The following TBPL1 variants were observed in gnomAD, a reference collection of about 807,000 sequenced individuals.
The protein encoded by TBPL1 is TATA box-binding protein-like 1.
A neutral mutation model predicts 22.1 loss-of-function variants in TBPL1; 4 were observed. The observed-to-expected ratio is 0.18, with a 90% CI of 0.09 to 0.41. The LOEUF is 0.41. Among genes scored for constraint, TBPL1 ranks in the 10% least tolerant of loss-of-function variants. The probability of loss-of-function intolerance (pLI) is 1.00; values close to 1 mark genes in which losing one functional copy is unlikely to be tolerated. For missense variants in TBPL1, 115 were observed against 222.3 expected, an observed-to-expected ratio of 0.52 and a Z score of 3.07; for synonymous variants, 64 against 71.0, an observed-to-expected ratio of 0.90 and a Z score of 0.50.
chr6:133,956,251 C>T (rs1038403456), intron 1 of TBPL1, among the ~76,000 whole-genome samples: 1 of 152,138 alleles, frequency 6.6e-6, no homozygotes, highest in Non-Finnish European at 1.5e-5. Context: ...CTGGTGTTTT[C>T]AAATTTTAGC....
intron 4 of TBPL1, among the ~76,000 whole-genome samples, chr6:133,984,024 C>T (rs939108591): frequency 6.6e-6 from 1 of 152,286 alleles, no homozygotes; most frequent in South Asian, 2.1e-4. Flanking sequence ...CATTTTTACT[C>T]TAGCAGGATG....
chr6:133,985,890 G>C (rs1405672630), intron 6 of TBPL1: 1 of 152,038 alleles, frequency 6.6e-6, no homozygotes. Context: ...TCAGCTCTCT[G>C]TTTCTACACT....
intron 1 of TBPL1, among the ~76,000 whole-genome samples, chr6:133,953,861 T>G (rs1184885430): frequency 1.3e-5 from 2 of 152,094 alleles, no homozygotes; most frequent in Non-Finnish European, 2.9e-5. Flanking sequence ...CTCAGAAAAC[T>G]TACAGCGGCT....
intron 1 of TBPL1, among the ~76,000 whole-genome samples, chr6:133,976,784 C>A (rs914324998): frequency 2.6e-5 from 4 of 151,956 alleles, no homozygotes; most frequent in African/African-American, 9.7e-5. Flanking sequence ...GTCAAGAGTT[C>A]AAGAGCAACC....
Position 133,985,293 on chromosome 6 carries a change from AAAAAATATATATATATATATATAT to A in TBPL1, c.481+624_481+647del, listed in dbSNP as rs1345223326. Among the ~76,000 whole-genome samples, 44 of 67,126 alleles carry A rather than the reference AAAAAATATATATATATATATATAT, an allele frequency of 6.6e-4. 9 individuals are homozygous for A. Among genetic ancestry groups the A allele is most frequent in the East Asian group, 2.9e-3 (10 of 3,472 alleles). 44.0% of individuals were successfully genotyped at this position (67,126 alleles called of 152,430 possible). The stretch of plus-strand genomic sequence containing the variant: ...ACTCTGTCTAAAAAAAAAAAAAAAA[AAAAAATATATATATATATATATAT>A]ATATATATATATATATATATACACA... On this transcript the variant is annotated intron_variant, in intron 6 of 6. Transcript: ENST00000237264.
At chr6:133,983,233 G>A (rs1776447583) in intron 4 of TBPL1, among the ~76,000 whole-genome samples, 1 of 152,242 alleles carries the variant, frequency 6.6e-6, no homozygotes, top group Non-Finnish European at 1.5e-5. Context: ...AATAGAGAAT[G>A]GCAGAGGCCG....
chr6:133,972,895 T>C (rs911423434), intron 1 of TBPL1, among the ~76,000 whole-genome samples: 12 of 152,180 alleles, frequency 7.9e-5, no homozygotes, highest in African/African-American at 2.7e-4. Flanking sequence ...GTACAGGTGG[T>C]ATTATCACCA....
chr6:133,981,260 C>T (rs1267825826), intron 2 of TBPL1, among the ~76,000 whole-genome samples: 1 of 152,070 alleles, frequency 6.6e-6, no homozygotes, highest in Non-Finnish European at 1.5e-5. Flanking sequence ...CGTGAGCCAC[C>T]GTGCCTGGCC....
At chr6:133,985,239 A>G (rs1273116948) in intron 6 of TBPL1, among the ~76,000 whole-genome samples, 4 of 138,494 alleles carry the variant, frequency 2.9e-5, no homozygotes, top group Non-Finnish European at 4.6e-5. Context: ...AGATCGCACC[A>G]CTGCACTCCA....
At chr6:133,984,312 A>G (rs1312715169) in intron 4 of TBPL1, 64 bp from the exon 5 acceptor site, 3 of 1,264,432 alleles carry the variant, frequency 2.4e-6, no homozygotes, top group Non-Finnish European at 3.3e-6. Context: ...GATTGCCATT[A>G]TGAGCAGATT....
chr6:133,977,499 C>T (rs1303769800), intron 1 of TBPL1, among the ~76,000 whole-genome samples: 1 of 152,104 alleles, frequency 6.6e-6, no homozygotes, highest in Non-Finnish European at 1.5e-5. Context: ...GTAGTAAATT[C>T]AGAGTAGAGT....
chr6:133,976,924 C>T (rs1290308048), intron 1 of TBPL1, among the ~76,000 whole-genome samples: 3 of 149,092 alleles, frequency 2.0e-5, no homozygotes, highest in Non-Finnish European at 4.4e-5. Flanking sequence ...GCCAAGATCG[C>T]GTCACAGCCC....
intron 1 of TBPL1, among the ~76,000 whole-genome samples, chr6:133,962,718 A>G (rs938243903): frequency 8.5e-5 from 13 of 152,194 alleles, no homozygotes; most frequent in African/African-American, 2.9e-4. Context: ...GAGGAAAAGG[A>G]TTTCAGGCAG....
chr6:133,968,180 G>C (rs886903872), intron 1 of TBPL1, among the ~76,000 whole-genome samples: 6 of 151,926 alleles, frequency 3.9e-5, no homozygotes, highest in Non-Finnish European at 7.4e-5. Context: ...GTAGGGACGG[G>C]GTTTCACCAT....
chr6:133,960,431 T>G (rs933846315), intron 1 of TBPL1, among the ~76,000 whole-genome samples: 3 of 151,868 alleles, frequency 2.0e-5, no homozygotes, highest in Non-Finnish European at 4.4e-5. Flanking sequence ...TTTTTTTTTT[T>G]TTTTTAATTT....
intron 1 of TBPL1, among the ~76,000 whole-genome samples, chr6:133,961,754 G>A (rs1052053564): frequency 2.0e-5 from 3 of 152,042 alleles, no homozygotes; most frequent in African/African-American, 4.8e-5. Flanking sequence ...GTGACCCACC[G>A]CACTTGGCCA....
At chr6:133,967,188 A>G (rs1057056076) in intron 1 of TBPL1, among the ~76,000 whole-genome samples, 2 of 152,152 alleles carry the variant, frequency 1.3e-5, no homozygotes, top group African/African-American at 4.8e-5. Context: ...CCAGGTCCCT[A>G]TCCCCTAGTA....
Position 133,988,754 on chromosome 6 carries a change from CTTTAT to C in TBPL1, c.*1719_*1723del, listed in dbSNP as rs1427005179. ...TTTTTAAAAAAAAAGTGTTTATTTC[CTTTAT>C]TTTAAGATTCAGTAGGATAGCCAAA... is the stretch of plus-strand genomic sequence containing the variant. On this transcript the variant is annotated 3_prime_UTR_variant, in exon 7 of 7. Transcript: ENST00000237264. 3.3e-5 allele frequency: 5 copies of C among 151,020 alleles called. No homozygotes were observed. The highest frequency in any genetic ancestry group is 2.9e-5 in the Non-Finnish European group (2 of 67,834). The allele number at this position is 151,020 out of a possible 1,614,324, so 9.4% of individuals were successfully genotyped here.
chr6:133,955,264 T>G (rs998156374), intron 1 of TBPL1, among the ~76,000 whole-genome samples: 1 of 149,494 alleles, frequency 6.7e-6, no homozygotes, highest in African/African-American at 2.5e-5. Context: ...CTTCATTGTT[T>G]GAGTGAGGGT....
Sources: gnomAD v4.1 joint callset for allele counts (sites outside exome capture counted in the v4.1 genomes callset) on GRCh38, gnomAD v4.1.1 for gene constraint, MANE v1.5 for transcripts, NCBI Gene and HGNC (gene_info 2026-07-23, HGNC 2026-07-21) for gene names.